The following ZNF704 variants were observed in gnomAD, a reference collection of about 807,000 sequenced individuals.
ZNF704 encodes glucocorticoid induced gene 1.
A neutral mutation model predicts 44.7 loss-of-function variants in ZNF704; 10 were observed. The ratio of observed to expected loss-of-function variants is 0.22; its 90% CI spans 0.14 to 0.38. The LOEUF (loss-of-function observed/expected upper bound fraction) is 0.38, where lower values mean the gene tolerates loss of function less well. Among genes scored for constraint, ZNF704 ranks in the 10% least tolerant of loss-of-function variants. ZNF704 has a pLI of 1.00. For missense variants in ZNF704, 390 were observed against 545.5 expected (o/e 0.71, Z 2.84); for synonymous variants, 211 against 207.6 (o/e 1.02, Z -0.14).
chr8:80,867,883 G>A (rs768090666), intron 1 of ZNF704, among the ~76,000 whole-genome samples: 3 of 152,188 alleles, frequency 2.0e-5, no homozygotes, highest in African/African-American at 7.2e-5. Context: ...TCATTTAAAA[G>A]CCTTTCTTCA....
chr8:80,655,548 G>T (rs1419204719), intron 7 of ZNF704, among the ~76,000 whole-genome samples: 1 of 152,162 alleles, frequency 6.6e-6, no homozygotes, highest in Non-Finnish European at 1.5e-5. Flanking sequence ...TAGGAAATCT[G>T]CATTGTCAGC....
intron 2 of ZNF704, among the ~76,000 whole-genome samples, chr8:80,813,022 G>T (rs1808114994): frequency 6.6e-6 from 1 of 152,154 alleles, no homozygotes; most frequent in Non-Finnish European, 1.5e-5. Flanking sequence ...AACCAATTCT[G>T]CAGAGGCAAC....
At chr8:80,826,413 C>G (rs571522286) in intron 1 of ZNF704, among the ~76,000 whole-genome samples, 2 of 152,056 alleles carry the variant, frequency 1.3e-5, no homozygotes, top group African/African-American at 4.8e-5. Context: ...CAATAACAGG[C>G]TCTGAAATTG....
chr8:80,724,371 T>A (rs1048952931), intron 2 of ZNF704, among the ~76,000 whole-genome samples: 10 of 152,236 alleles, frequency 6.6e-5, no homozygotes, highest in African/African-American at 2.4e-4. Flanking sequence ...AACTCAAAGT[T>A]TCTTCTTTAA....
chr8:80,658,851 A>G (rs1437802495), intron 7 of ZNF704: 1 of 152,230 alleles, frequency 6.6e-6, no homozygotes, highest in Non-Finnish European at 1.5e-5. Context: ...CGGGTGGAGA[A>G]GAGAAAATAA....
chr8:80,670,706 C>A, intron 4 of ZNF704, 103 bp from the exon 5 acceptor site: 1 of 764,322 alleles, frequency 1.3e-6, no homozygotes, highest in Middle Eastern at 3.6e-4. Flanking sequence ...AAAGTAGCAG[C>A]ATCCCCAGCC....
At chr8:80,860,517 A>G (rs1159071956) in intron 1 of ZNF704, among the ~76,000 whole-genome samples, 1 of 152,228 alleles carries the variant, frequency 6.6e-6, no homozygotes, top group Non-Finnish European at 1.5e-5. Flanking sequence ...GGTATTGTTT[A>G]CCAACATTTT....
intron 1 of ZNF704, among the ~76,000 whole-genome samples, chr8:80,824,271 G>A (rs1364773759): frequency 1.3e-5 from 2 of 152,080 alleles, no homozygotes; most frequent in Non-Finnish European, 2.9e-5. Flanking sequence ...CGAGAACTAC[G>A]TGACGCATGC....
chr8:80,732,035 T>C (rs573257574), intron 2 of ZNF704, among the ~76,000 whole-genome samples: 26 of 152,246 alleles, frequency 1.7e-4, no homozygotes, highest in Non-Finnish European at 2.8e-4. Context: ...ACCAATTATA[T>C]GTGCACATAG....
chr8:80,656,155 C>G (rs1818013064), intron 7 of ZNF704, among the ~76,000 whole-genome samples: 1 of 152,172 alleles, frequency 6.6e-6, no homozygotes, highest in Non-Finnish European at 1.5e-5. Flanking sequence ...TGCCAGTGCC[C>G]TGGCATGTGC....
intron 2 of ZNF704, among the ~76,000 whole-genome samples, chr8:80,813,566 T>C (rs1282821546): frequency 6.6e-6 from 1 of 152,122 alleles, no homozygotes; most frequent in Admixed American, 6.6e-5. Flanking sequence ...TAAAACAAGC[T>C]TGCCTAAGCT....
At chr8:80,662,101 G>T (rs1472773139) in intron 6 of ZNF704, among the ~76,000 whole-genome samples, 1 of 152,074 alleles carries the variant, frequency 6.6e-6, no homozygotes, top group African/African-American at 2.4e-5. Flanking sequence ...AAATACTGTT[G>T]TTGAAGAAGA....
chr8:80,747,947 C>T (rs1374820587), intron 2 of ZNF704, among the ~76,000 whole-genome samples: 1 of 152,186 alleles, frequency 6.6e-6, no homozygotes, highest in Non-Finnish European at 1.5e-5. Flanking sequence ...GATCTCCTGA[C>T]CTCGTGATCT....
intron 1 of ZNF704, among the ~76,000 whole-genome samples, chr8:80,831,794 TA>T (rs1771048065): frequency 6.6e-6 from 1 of 152,150 alleles, no homozygotes; most frequent in Admixed American, 6.5e-5. Context: ...ACAACATAGG[TA>T]AGAAACTGAC....
chr8:80,873,123 T>G (rs1809282631), intron 1 of ZNF704, among the ~76,000 whole-genome samples: 1 of 152,036 alleles, frequency 6.6e-6, no homozygotes, highest in South Asian at 2.1e-4. Flanking sequence ...TGAATAGCCC[T>G]CAAAATAAGG....
intron 1 of ZNF704, among the ~76,000 whole-genome samples, chr8:80,858,240 A>G (rs1715325923): frequency 6.6e-6 from 1 of 152,140 alleles, no homozygotes; most frequent in Non-Finnish European, 1.5e-5. Flanking sequence ...GATTTTCTCT[A>G]CTGTTTGTCT....
chr8:80,743,172 C>A (rs2131695932), intron 2 of ZNF704, among the ~76,000 whole-genome samples: 2 of 114,988 alleles, frequency 1.7e-5, no homozygotes, highest in Non-Finnish European at 3.3e-5. Flanking sequence ...TGTTTTCACT[C>A]TATTACATCT....
upstream of ZNF704, among the ~76,000 whole-genome samples, chr8:80,877,077 C>T (rs930002749): frequency 2.0e-5 from 3 of 148,542 alleles, no homozygotes; most frequent in African/African-American, 7.5e-5. Context: ...TTTAAAATTG[C>T]TGTATATGCT....
At chr8:80,814,481 C>A (rs181618988) in intron 2 of ZNF704, among the ~76,000 whole-genome samples, 1 of 152,254 alleles carries the variant, frequency 6.6e-6, no homozygotes, top group East Asian at 1.9e-4. Context: ...AAACCAGAGA[C>A]AACAGTTATT....
Sources: gnomAD v4.1 joint callset for allele counts (sites outside exome capture counted in the v4.1 genomes callset) on GRCh38, gnomAD v4.1.1 for gene constraint, MANE v1.5 for transcripts, NCBI Gene and HGNC (gene_info 2026-07-23, HGNC 2026-07-21) for gene names.